Variants in ULBP1 observed in about 807,000 individuals in gnomAD.
ULBP1 encodes the protein UL16 binding protein 1.
In ULBP1, 28 loss-of-function variants were observed where a neutral mutation model predicts 25.3. The ratio of observed to expected loss-of-function variants is 1.10; its 90% CI spans 0.82 to 1.51. The LOEUF is 1.51. Among genes scored for constraint, ULBP1 ranks in the 40% most tolerant of loss-of-function variants. The pLI, the probability that ULBP1 is intolerant of heterozygous loss-of-function variation, is 0.00. For missense variants in ULBP1, 348 were observed against 290.9 expected (o/e 1.20, Z -1.43); for synonymous variants, 129 against 103.0 (o/e 1.25, Z -1.53).
intron 1 of ULBP1, among the ~76,000 whole-genome samples, chr6:149,967,493 A>G (rs541030626): frequency 6.6e-6 from 1 of 152,192 alleles, no homozygotes; most frequent in African/African-American, 2.4e-5. Flanking sequence ...AAAGGAGCTC[A>G]GTTATTTCCT....
chr6:149,969,673 T>C (rs1403942916), intron 3 of ULBP1, among the ~76,000 whole-genome samples: 3 of 152,180 alleles, frequency 2.0e-5, no homozygotes, highest in African/African-American at 4.8e-5. Context: ...ACCTTTTCTT[T>C]CCTCTCCCCT....
Position 149,972,288 on chromosome 6 carries a change from A to C in ULBP1, c.*942A>C, listed in dbSNP as rs1162617064. 3 of 152,210 alleles carry C rather than the reference A, an allele frequency of 2.0e-5. No homozygotes were observed. The highest frequency in any genetic ancestry group is 4.4e-5 in the Non-Finnish European group (3 of 68,038). 9.4% of individuals were successfully genotyped at this position (152,210 alleles called of 1,614,324 possible). On this transcript the variant is annotated 3_prime_UTR_variant, in exon 5 of 5. Coordinates refer to ENST00000229708, the MANE Select transcript of ULBP1 (RefSeq NM_025218.4). ...TCCCTATTCGAAAATTAGTGCTGGA[A>C]TATCTGGCCAACCATATGCAGAAGA...
intron 4 of ULBP1, 102 bp downstream of exon 4, chr6:149,970,249 C>T (rs1393885850): frequency 1.4e-6 from 2 of 1,451,900 alleles, no homozygotes; most frequent in East Asian, 2.5e-5. Flanking sequence ...AACTTCTCAT[C>T]CTGACATTAG....
chr6:149,965,507 A>C (rs1182905576), intron 1 of ULBP1, among the ~76,000 whole-genome samples: 3 of 152,134 alleles, frequency 2.0e-5, no homozygotes, highest in Admixed American at 6.5e-5. Flanking sequence ...CCTGGTGCAG[A>C]CCCGCAGCCC....
chr6:149,968,610 C>T lies in ULBP1; in HGVS notation c.89C>T (p.Thr30Ile), dbSNP rs780643445. 8 of 1,604,364 alleles carry T rather than the reference C, an allele frequency of 5.0e-6. No homozygotes were observed. In the African/African-American group the frequency reaches 5.3e-5, roughly 11 times the overall value. ...CTCCTGTGTTTTTCTTCCACAGACA[C>T]ACACTGTCTTTGCTATGACTTCATC... ...SGWSRAGWVD[T>I]HCLCYDFIIT... Residue 30 changes from threonine to isoleucine, a missense_variant, in exon 2 of 5, where the codon ACA becomes ATA. Transcript: ENST00000229708.
At position 149,969,915 on chromosome 6, in the gene ULBP1, G is replaced by C. The variant is rs1779283067; in HGVS notation, c.626-101G>C. On this transcript the variant is annotated intron_variant, in intron 3 of 4. Transcript: ENST00000229708. ...TGCCCCACAGCAGAGGGGGACAAAA[G>C]GTCTGCCTTCCAGGATGACCTGGGG... is the stretch of plus-strand genomic sequence containing the variant. 2.7e-6 allele frequency: 4 copies of C among 1,468,030 alleles called. No individual in the cohort carries two copies. The Admixed American group carries it at 8.5e-5, about 31-fold the overall frequency. The allele number at this position is 1,468,030 out of a possible 1,614,324, so 90.9% of individuals were successfully genotyped here.
chr6:149,969,090 C>T lies in ULBP1; in HGVS notation c.355C>T (p.Leu119Phe). Residue 119 changes from leucine to phenylalanine, a missense_variant, in exon 3 of 5, where the codon CTC becomes TTC. Coordinates refer to ENST00000229708, the MANE Select transcript of ULBP1 (RefSeq NM_025218.4). ...ATCTCTTTGCAATGGGGCAGAGCCCCTCACCCTGCAGGCCAGGATGTCTTG... is the reference window on the plus strand; with the variant it reads ...ATCTCTTTGCAATGGGGCAGAGCCCTTCACCCTGCAGGCCAGGATGTCTTG... The part of the protein sequence containing the change: ...QVENLIPIEP[L>F]TLQARMSCEH... The T allele has an allele frequency of 1.2e-6, 2 of 1,614,140 alleles. No individual in the cohort carries two copies. Among genetic ancestry groups the T allele is most frequent in the Non-Finnish European group, 1.7e-6 (2 of 1,179,980 alleles).
In ULBP1 at chr6:149,970,080, G is replaced by A; in HGVS notation, c.690G>A (p.Trp230Ter). The A allele has an allele frequency of 6.2e-7, 1 of 1,613,282 alleles. No individual in the cohort carries two copies. Among genetic ancestry groups the A allele is most frequent in the Non-Finnish European group, 8.5e-7 (1 of 1,179,694 alleles). ...CCATGGCCACCACCCTCAGTCCCTG[G>A]AGCCTTCTCATCATCTTCCTCTGCT... ...PKAMATTLSP[W>*]SLLIIFLCFI... is the part of the protein sequence containing the mutation. The change falls in exon 4 of 5, where the codon TGG (tryptophan) becomes TGA (stop). Residue 230 changes from tryptophan to a stop codon, truncating the protein, a stop_gained. Transcript: ENST00000229708. LOFTEE classifies it high-confidence loss of function.
rs1779248665 is a variant in ULBP1, at chr6:149,968,677, T to G, written c.156T>G (p.Val52=). The change falls in exon 2 of 5, where the codon GTT becomes GTG. Residue 52 remains valine, a synonymous_variant. Coordinates refer to ENST00000229708, the MANE Select transcript of ULBP1 (RefSeq NM_025218.4). ...KSRPEPQWCE[V]QGLVDERPFL... ...GACCTGAACCACAGTGGTGTGAAGT[T>G]CAAGGCCTGGTGGATGAAAGGCCTT... is the stretch of plus-strand genomic sequence containing the variant. The G allele has an allele frequency of 6.2e-7, 1 of 1,614,128 alleles. No individual in the cohort carries two copies. Among genetic ancestry groups the G allele is most frequent in the Non-Finnish European group, 8.5e-7 (1 of 1,179,972 alleles).
chr6:149,964,551 C>T (rs529139330), intron 1 of ULBP1, among the ~76,000 whole-genome samples: 20 of 150,064 alleles, frequency 1.3e-4, no homozygotes, highest in African/African-American at 4.7e-4. Context: ...CGCCCTCTCT[C>T]CGAGCAACGC....
Position 149,970,152 on chromosome 6 carries a change from T to C in ULBP1, c.*22+5T>C. 2 of 1,578,702 alleles carry C rather than the reference T, an allele frequency of 1.3e-6. No homozygotes were observed. Among genetic ancestry groups the C allele is most frequent in the East Asian group, 4.6e-5 (2 of 43,670 alleles). On this transcript the variant is annotated splice_donor_5th_base_variant and intron_variant, in intron 4 of 4. Transcript: ENST00000229708. ...GAGAGTTGTTTAGAGTGACAGGTACTGTGGGCAATATTGGGAGGGGAGCAA... is the reference window on the plus strand; with the variant it reads ...GAGAGTTGTTTAGAGTGACAGGTACCGTGGGCAATATTGGGAGGGGAGCAA...
chr6:149,969,087 C>A lies in ULBP1; in HGVS notation c.352C>A (p.Pro118Thr). 29 of 1,614,030 alleles carry A rather than the reference C, an allele frequency of 1.8e-5. No individual in the cohort carries two copies. The highest frequency in any genetic ancestry group is 2.4e-5 in the Non-Finnish European group (28 of 1,179,938). The change falls in exon 3 of 5, where the codon CCC (proline) becomes ACC (threonine). Residue 118 changes from proline to threonine, a missense_variant and splice_region_variant. Pro to Thr is a conservative substitution (Grantham distance 38). Transcript: ENST00000229708. Reference protein sequence around the residue: ...IQVENLIPIEPLTLQARMSCE... With the variant: ...IQVENLIPIETLTLQARMSCE... ...CTGATCTCTTTGCAATGGGGCAGAG[C>A]CCCTCACCCTGCAGGCCAGGATGTC...
Position 149,968,585 on chromosome 6 carries a change from CTCCTGTGTTTTTCT to C in ULBP1, c.86-18_86-5del, listed in dbSNP as rs771841352. On this transcript the variant is annotated splice_polypyrimidine_tract_variant and splice_region_variant and intron_variant, in intron 1 of 4. Transcript: ENST00000229708. ...TTCCATTTCCCCCCACACCAACCCCCTCCTGTGTTTTTCTTCCACAGACACACACTGTCTTTGCT... is the reference window on the plus strand; with the variant it reads ...TTCCATTTCCCCCCACACCAACCCCCTCCACAGACACACACTGTCTTTGCT... The C allele has an allele frequency of 6.3e-7, 1 of 1,594,732 alleles. No individual in the cohort carries two copies. Among genetic ancestry groups the C allele is most frequent in the South Asian group, 1.1e-5 (1 of 88,786 alleles).
rs762018861 is a variant in ULBP1 at position 149,968,567 on chromosome 6, T to C, written c.86-40T>C. On this transcript the variant is annotated intron_variant, in intron 1 of 4. Transcript: ENST00000229708. ...GGGAGGAGGGGATACAGGTTCCATT[T>C]CCCCCCACACCAACCCCCTCCTGTG... 8.2e-6 allele frequency: 13 copies of C among 1,576,964 alleles called. No homozygotes were observed. The Admixed American group carries it at 8.8e-5, about 11-fold the overall frequency.
At chr6:149,967,584 T>A (rs1033029165) in intron 1 of ULBP1, among the ~76,000 whole-genome samples, 1 of 152,224 alleles carries the variant, frequency 6.6e-6, no homozygotes, top group Non-Finnish European at 1.5e-5. Context: ...TCTAGCAGTA[T>A]CCGGGTTGAG....
rs1779315907 is a variant in ULBP1, at chr6:149,971,429, G to T, written c.*83G>T. 1 of 983,994 alleles carries T rather than the reference G, an allele frequency of 1.0e-6. No individual in the cohort carries two copies. Among genetic ancestry groups the T allele is most frequent in the Admixed American group, 6.1e-5 (1 of 16,266 alleles). 61.0% of individuals were successfully genotyped at this position (983,994 alleles called of 1,614,324 possible). A position where few individuals can be genotyped will look rare whatever the true frequency, so the allele number is the denominator to read the frequency against. On this transcript the variant is annotated 3_prime_UTR_variant, in exon 5 of 5. Transcript: ENST00000229708. ...GTCTGGGTCCTGCTCTCCCTTCAGGGAGGCCGCCTGTCTACTCACCACTGT... is the reference window on the plus strand; with the variant it reads ...GTCTGGGTCCTGCTCTCCCTTCAGGTAGGCCGCCTGTCTACTCACCACTGT...
At chr6:149,965,970 A>AG (rs200780769) in intron 1 of ULBP1, among the ~76,000 whole-genome samples, 1,924 of 152,070 alleles carry the variant, frequency 0.013, 48 homozygotes, top group African/African-American at 0.039. Context: ...AACTTAATGC[A>AG]GGGGGGACGG....
At chr6:149,967,031 A>G (rs888356206) in intron 1 of ULBP1, among the ~76,000 whole-genome samples, 59 of 150,690 alleles carry the variant, frequency 3.9e-4, no homozygotes, top group East Asian at 3.3e-3. Context: ...GAGCAGAGTT[A>G]AGTAGTGACA....
At chr6:149,969,496 C>T in intron 3 of ULBP1, 136 bp downstream of exon 3, 1 of 1,192,248 alleles carries the variant, frequency 8.4e-7, no homozygotes. Flanking sequence ...TCCTGGGGGT[C>T]CTGGCATGCC....
Sources: gnomAD v4.1 joint callset for allele counts (sites outside exome capture counted in the v4.1 genomes callset) on GRCh38, gnomAD v4.1.1 for gene constraint, MANE v1.5 for transcripts, NCBI Gene and HGNC (gene_info 2026-07-23, HGNC 2026-07-21) for gene names.